Variants in SLFN12L observed in about 807,000 individuals in gnomAD.
SLFN12L encodes schlafen family member 12-like.
Under a neutral mutation model 34.8 loss-of-function variants are expected in SLFN12L, and 34 were observed. The observed-to-expected ratio is 0.98, with a 90% CI of 0.74 to 1.30. SLFN12L has a LOEUF of 1.30. Among genes scored for constraint, SLFN12L ranks in the 50% most tolerant of loss-of-function variants. The pLI, the probability that SLFN12L is intolerant of heterozygous loss-of-function variation, is 0.00. For synonymous variants in SLFN12L, 259 were observed against 247.5 expected, an observed-to-expected ratio of 1.05 and a Z score of -0.44; for missense variants, 703 against 696.2, an observed-to-expected ratio of 1.01 and a Z score of -0.11.
At position 35,522,705 on chromosome 17, in the gene SLFN12L, C is replaced by T; in HGVS notation, c.-341G>A. 6.2e-7 allele frequency: 1 copy of T among 1,614,172 alleles called. No homozygotes were observed. Among genetic ancestry groups the T allele is most frequent in the South Asian group, 1.1e-5 (1 of 91,084 alleles). Reference sequence around the variant, plus strand: ...CCTCCCCAGTGTAGCCCCCCATGTTCACCAGCTTCTGCTTCAAAGTAAGGG... The same window carrying T: ...CCTCCCCAGTGTAGCCCCCCATGTTTACCAGCTTCTGCTTCAAAGTAAGGG... On this transcript the variant is annotated 5_prime_UTR_variant, in exon 2 of 5. Transcript: ENST00000628453.
chr17:35,537,009 C>T (rs571909042), intron 1 of SLFN12L, among the ~76,000 whole-genome samples: 1 of 152,022 alleles, frequency 6.6e-6, no homozygotes, highest in East Asian at 1.9e-4. Flanking sequence ...GACTTCCTCT[C>T]TACAGAAACG....
chr17:35,490,479 T>C, intron 2 of SLFN12L: 1 of 971,632 alleles, frequency 1.0e-6, no homozygotes, highest in South Asian at 1.3e-5. Flanking sequence ...GGATTTATGA[T>C]ATCACCAAAG....
At chr17:35,502,753 C>T (rs1178125812) in intron 2 of SLFN12L, among the ~76,000 whole-genome samples, 3 of 152,096 alleles carry the variant, frequency 2.0e-5, no homozygotes, top group Admixed American at 1.3e-4. Context: ...TTATAGTAAC[C>T]TGTAATCTTG....
intron 3 of SLFN12L, 91 bp from the exon 4 acceptor site, chr17:35,478,276 A>T (rs1451836772): frequency 4.0e-6 from 3 of 743,240 alleles, no homozygotes; most frequent in Non-Finnish European, 6.7e-6. Flanking sequence ...CCAAACGTCT[A>T]CTTAGAACTG....
chr17:35,528,975 A>G (rs1203047911), intron 1 of SLFN12L, among the ~76,000 whole-genome samples: 2 of 152,230 alleles, frequency 1.3e-5, no homozygotes, highest in East Asian at 1.9e-4. Context: ...AGAATCTACA[A>G]GGAACTTAAA....
chr17:35,508,207 A>G (rs2142156217), intron 2 of SLFN12L, among the ~76,000 whole-genome samples: 1 of 152,128 alleles, frequency 6.6e-6, no homozygotes, highest in African/African-American at 2.4e-5. Context: ...TTTCATGTGG[A>G]CCCCCTTAGA....
intron 2 of SLFN12L, among the ~76,000 whole-genome samples, chr17:35,494,236 A>AAC (rs1285671085): frequency 3.3e-5 from 5 of 151,948 alleles, no homozygotes; most frequent in Admixed American, 6.6e-5. Context: ...TGTAAAAAAA[A>AAC]AACAACAAAA....
Position 35,479,724 on chromosome 17 carries a change from C to A in SLFN12L, c.558G>T (p.Glu186Asp), listed in dbSNP as rs760881626. 6.2e-7 allele frequency: 1 copy of A among 1,614,100 alleles called. No individual in the cohort carries two copies. Among genetic ancestry groups the A allele is most frequent in the Non-Finnish European group, 8.5e-7 (1 of 1,180,006 alleles). ...CAGTTTTTTCCATGTCTTTGAGGAA[C>A]TCCAGTGCAGCAGAAGCATTCATGA... The part of the protein sequence containing the change: ...AKVMNASAAL[E>D]FLKDMEKTGG... Residue 186 changes from glutamate to aspartate, a missense_variant, in exon 3 of 5, where the codon GAG (glutamate) becomes GAT (aspartate). Glu to Asp is a conservative substitution (Grantham distance 45, BLOSUM62 2). Transcript: ENST00000628453.
At chr17:35,500,277 A>G (rs1915244878) in intron 2 of SLFN12L, 1 of 152,064 alleles carries the variant, frequency 6.6e-6, no homozygotes, top group South Asian at 2.1e-4. Context: ...TAGAAGCTTT[A>G]ATTTCTAGTA....
chr17:35,475,742 G>T (rs1913971810), intron 4 of SLFN12L, among the ~76,000 whole-genome samples: 3 of 151,714 alleles, frequency 2.0e-5, no homozygotes, highest in Admixed American at 1.3e-4. Context: ...CTACAAAAAG[G>T]TTACAAAGTT....
At chr17:35,523,825 C>T (rs1201804494) in intron 1 of SLFN12L, among the ~76,000 whole-genome samples, 7 of 152,058 alleles carry the variant, frequency 4.6e-5, no homozygotes, top group Non-Finnish European at 1.0e-4. Flanking sequence ...GTCCCATCTC[C>T]TCAGGAGGCT....
rs184435330 is a variant in SLFN12L at position 35,513,156 on chromosome 17, G to A, written c.86+9123C>T. On this transcript the variant is annotated intron_variant, in intron 2 of 4. Transcript: ENST00000628453. Reference sequence around the variant, plus strand: ...TGTGCTGGTCATCTCCCCTGAAAATGATATTGTGCCTCATCATCAAAAGTA... The same window carrying A: ...TGTGCTGGTCATCTCCCCTGAAAATAATATTGTGCCTCATCATCAAAAGTA... 3.3e-4 allele frequency among the ~76,000 whole-genome samples: 51 copies of A among 152,288 alleles called. No individual in the cohort carries two copies. In the East Asian group the frequency reaches 6.6e-3, roughly 20 times the overall value.
rs1243875665 is a variant in SLFN12L, at chr17:35,474,622, T to C, written c.*301A>G. On this transcript the variant is annotated 3_prime_UTR_variant, in exon 5 of 5. Transcript: ENST00000628453. ...GAAATGTCAAAGGCTAATTGGTCTATAAAAGAATTGATTCTCCAGCCGGGC... is the reference window on the plus strand; with the variant it reads ...GAAATGTCAAAGGCTAATTGGTCTACAAAAGAATTGATTCTCCAGCCGGGC... The C allele has an allele frequency of 2.6e-5, 7 of 266,502 alleles. No individual in the cohort carries two copies. The highest frequency in any genetic ancestry group is 4.3e-5 in the Non-Finnish European group (6 of 140,808). 16.5% of individuals were successfully genotyped at this position (266,502 alleles called of 1,614,324 possible).
intron 1 of SLFN12L, among the ~76,000 whole-genome samples, chr17:35,523,948 T>A (rs2072307364): frequency 6.6e-6 from 1 of 151,646 alleles, no homozygotes; most frequent in Non-Finnish European, 1.5e-5. Flanking sequence ...AAAAAAAAAA[T>A]TTCAAAGATC....
At chr17:35,528,720 G>T in intron 1 of SLFN12L, among the ~76,000 whole-genome samples, 1 of 152,114 alleles carries the variant, frequency 6.6e-6, no homozygotes, top group Non-Finnish European at 1.5e-5. Context: ...TTAAATGTAA[G>T]ACCTAAAACC....
chr17:35,524,468 A>G (rs748917277), intron 1 of SLFN12L, among the ~76,000 whole-genome samples: 5 of 152,228 alleles, frequency 3.3e-5, no homozygotes, highest in Non-Finnish European at 7.3e-5. Flanking sequence ...ACCTCATACA[A>G]GAGAGCTCTG....
chr17:35,512,414 G>A (rs1915681670), intron 2 of SLFN12L, among the ~76,000 whole-genome samples: 1 of 143,124 alleles, frequency 7.0e-6, no homozygotes, highest in Non-Finnish European at 1.5e-5. Flanking sequence ...CGCCCAGGCT[G>A]GAGTGCAGTG....
chr17:35,498,944 G>C (rs761457739), intron 2 of SLFN12L: 1 of 722,360 alleles, frequency 1.4e-6, no homozygotes, highest in African/African-American at 1.7e-5. Context: ...AGGTCTTACA[G>C]GAGCGCATTA....
rs1314993535 is a variant in SLFN12L, at chr17:35,471,752, C to T, written c.*3171G>A. Among the ~76,000 whole-genome samples, 6 of 151,360 alleles carry T rather than the reference C, an allele frequency of 4.0e-5. No homozygotes were observed. Among genetic ancestry groups the T allele is most frequent in the Non-Finnish European group, 7.4e-5 (5 of 67,732 alleles). Reference sequence around the variant, plus strand: ...TTTTATCTTGACTTTTCAATAATCACCATTTGACTTGTGTGAGATGGTGTC... The same window carrying T: ...TTTTATCTTGACTTTTCAATAATCATCATTTGACTTGTGTGAGATGGTGTC... On this transcript the variant is annotated 3_prime_UTR_variant, in exon 5 of 5. Coordinates refer to ENST00000628453, the MANE Select transcript of SLFN12L (RefSeq NM_001363830.2).
Sources: gnomAD v4.1 joint callset for allele counts (sites outside exome capture counted in the v4.1 genomes callset) on GRCh38, gnomAD v4.1.1 for gene constraint, MANE v1.5 for transcripts, NCBI Gene and HGNC (gene_info 2026-07-23, HGNC 2026-07-21) for gene names.